Variants in OR6K2 observed in about 807,000 individuals in gnomAD.
OR6K2 encodes olfactory receptor 6K2.
For missense variants in OR6K2, 450 were observed against 402.5 expected (o/e 1.12, Z -1.01); for synonymous variants, 139 against 143.8 (o/e 0.97, Z 0.24).
rs1655780212 is a variant in OR6K2 at position 158,700,547 on chromosome 1, C to T, written c.106G>A (p.Ala36Thr). 3 of 1,614,064 alleles carry T rather than the reference C, an allele frequency of 1.9e-6. No homozygotes were observed. Among genetic ancestry groups the T allele is most frequent in the Non-Finnish European group, 2.5e-6 (3 of 1,180,018 alleles). Residue 36 changes from alanine to threonine, a missense_variant, in exon 1 of 1, where the codon GCT becomes ACT. Transcript: ENST00000359610. The stretch of plus-strand genomic sequence containing the variant: ...ACCAGGTTTCCAACAACAATGAAAG[C>T]ATAGATGAAGAGCAGTGGAACAAAG... The part of the protein sequence containing the change: ...VCFVPLLFIY[A>T]FIVVGNLVII...
Position 158,699,741 on chromosome 1 carries a change from C to T in OR6K2, c.912G>A (p.Lys304=), listed in dbSNP as rs369102469. The change falls in exon 1 of 1, where the codon AAG becomes AAA. Residue 304 remains lysine, a synonymous_variant. Transcript: ENST00000359610. ...RNKEIKEAIK[K]HIGQAKIFFS... is the part of the protein sequence containing the mutation. Reference sequence around the variant, plus strand: ...AAAATATCTTAGCTTGACCTATGTGCTTTTTTATAGCTTCTTTTATTTCTT... The same window carrying T: ...AAAATATCTTAGCTTGACCTATGTGTTTTTTTATAGCTTCTTTTATTTCTT... 49 of 1,613,474 alleles carry T rather than the reference C, an allele frequency of 3.0e-5. No individual in the cohort carries two copies. The highest frequency in any genetic ancestry group is 3.9e-5 in the Non-Finnish European group (46 of 1,179,794).
In OR6K2 at chr1:158,699,869, G is replaced by T. The variant is rs181767054; in HGVS notation, c.784C>A (p.Arg262Ser). 4 of 1,614,072 alleles carry T rather than the reference G, an allele frequency of 2.5e-6. No homozygotes were observed. The highest frequency in any genetic ancestry group is 3.4e-6 in the Non-Finnish European group (4 of 1,180,000). The change falls in exon 1 of 1, where the codon CGC becomes AGC. Residue 262 changes from arginine to serine, a missense_variant. Arg to Ser is a moderately radical substitution (Grantham distance 110). Coordinates refer to ENST00000359610, the MANE Select transcript of OR6K2 (RefSeq NM_001005279.3). ...FFGSVTLMYL[R>S]FSATYSLFWD... ...AACAAAGAGTAGGTGGCAGAGAAGC[G>T]TAGGTACATGAGAGTCACACTGCCA...
Position 158,700,231 on chromosome 1 carries a change from G to A in OR6K2, c.422C>T (p.Thr141Ile), listed in dbSNP as rs766174523. The change falls in exon 1 of 1, where the codon ACC becomes ATC. Residue 141 changes from threonine to isoleucine, a missense_variant. Physicochemically the swap from Thr to Ile is moderately conservative, Grantham distance 89. Coordinates refer to ENST00000359610, the MANE Select transcript of OR6K2 (RefSeq NM_001005279.3). ...AACACAGCAACTTAAAGTCAGTTGG[G>A]TACATAGCTTGGGGGTCATGATAGA... ...YPSIMTPKLC[T>I]QLTLSCCVCG... The A allele has an allele frequency of 1.2e-6, 2 of 1,614,038 alleles. No individual in the cohort carries two copies. Among genetic ancestry groups the A allele is most frequent in the South Asian group, 1.1e-5 (1 of 91,060 alleles).
rs183333879 is a variant in OR6K2 at position 158,700,607 on chromosome 1, C to T, written c.46G>A (p.Ala16Thr). The part of the protein sequence containing the change: ...RTTIQEFIFS[A>T]FPYSWVKSVV... ...GACTTAACCCAGGAATAAGGGAAAG[C>T]GGAGAAGATAAACTCCTGAATGGTG... Residue 16 changes from alanine to threonine, a missense_variant, in exon 1 of 1, where the codon GCT (alanine) becomes ACT (threonine). Ala to Thr is a moderately conservative substitution (Grantham distance 58). Coordinates refer to ENST00000359610, the MANE Select transcript of OR6K2 (RefSeq NM_001005279.3). The T allele has an allele frequency of 5.4e-5, 87 of 1,613,364 alleles. 1 individual carries two copies. The East Asian group carries it at 5.6e-4, about 10-fold the overall frequency.
Position 158,700,287 on chromosome 1 carries a change from G to A in OR6K2, c.366C>T (p.Tyr122=). 2.5e-6 allele frequency: 4 copies of A among 1,612,968 alleles called. No homozygotes were observed. Among genetic ancestry groups the A allele is most frequent in the South Asian group, 1.1e-5 (1 of 91,084 alleles). ...CLLTVMAFDH[Y]LAICSPLHYP... ...AATGAAGAGGGCTGCATATGGCCAGGTAGTGGTCAAAGGCCATAACTGTCA... is the reference window on the plus strand; with the variant it reads ...AATGAAGAGGGCTGCATATGGCCAGATAGTGGTCAAAGGCCATAACTGTCA... The change falls in exon 1 of 1, where the codon TAC becomes TAT. Residue 122 remains tyrosine (Y), a synonymous_variant. Transcript: ENST00000359610.
In OR6K2 at chr1:158,699,868, C is replaced by T. The variant is rs781501189; in HGVS notation, c.785G>A (p.Arg262His). The change falls in exon 1 of 1, where the codon CGC (arginine) becomes CAC (histidine). Residue 262 changes from arginine to histidine, a missense_variant. Physicochemically the swap from Arg to His is conservative, Grantham distance 29. Transcript: ENST00000359610. ...FFGSVTLMYL[R>H]FSATYSLFWD... ...GAACAAAGAGTAGGTGGCAGAGAAGCGTAGGTACATGAGAGTCACACTGCC... is the reference window on the plus strand; with the variant it reads ...GAACAAAGAGTAGGTGGCAGAGAAGTGTAGGTACATGAGAGTCACACTGCC... The T allele has an allele frequency of 1.4e-5, 22 of 1,613,848 alleles. 1 individual carries two copies. Among genetic ancestry groups the T allele is most frequent in the Non-Finnish European group, 1.6e-5 (19 of 1,180,010 alleles).
rs964099822 is a variant in OR6K2, at chr1:158,700,239, C to A, written c.414G>T (p.Lys138Asn). The part of the protein sequence containing the change: ...PLHYPSIMTP[K>N]LCTQLTLSCC... ...AACTTAAAGTCAGTTGGGTACATAG[C>A]TTGGGGGTCATGATAGAGGGATAAT... Residue 138 changes from lysine to asparagine, a missense_variant, in exon 1 of 1, where the codon AAG becomes AAT. Transcript: ENST00000359610. The A allele has an allele frequency of 1.2e-6, 2 of 1,613,936 alleles. No homozygotes were observed. The highest frequency in any genetic ancestry group is 1.3e-5 in the African/African-American group (1 of 74,990).
In OR6K2 at chr1:158,699,963, A is replaced by G; in HGVS notation, c.690T>C (p.His230=). ...DGIVAVILRI[H]SAGGRRTAFS... ...ATGCTGTGCGGCGGCCTCCAGCTGAATGAATACGTAGAATTACAGCCACAA... is the reference window on the plus strand; with the variant it reads ...ATGCTGTGCGGCGGCCTCCAGCTGAGTGAATACGTAGAATTACAGCCACAA... The change falls in exon 1 of 1, where the codon CAT becomes CAC. Residue 230 remains histidine (H), a synonymous_variant. Coordinates refer to ENST00000359610, the MANE Select transcript of OR6K2 (RefSeq NM_001005279.3). 6.2e-7 allele frequency: 1 copy of G among 1,614,148 alleles called. No homozygotes were observed. Among genetic ancestry groups the G allele is most frequent in the Non-Finnish European group, 8.5e-7 (1 of 1,180,022 alleles).
At position 158,699,853 on chromosome 1, in the gene OR6K2, T is replaced by C. The variant is rs1423865235; in HGVS notation, c.800A>G (p.Tyr267Cys). The C allele has an allele frequency of 3.1e-6, 5 of 1,612,838 alleles. No homozygotes were observed. The East Asian group carries it at 1.1e-4, about 36-fold the overall frequency. The change falls in exon 1 of 1, where the codon TAC (tyrosine) becomes TGC (cysteine). Residue 267 changes from tyrosine (Y) to cysteine (C), a missense_variant. Physicochemically the swap from Tyr to Cys is radical, Grantham distance 194. Coordinates refer to ENST00000359610, the MANE Select transcript of OR6K2 (RefSeq NM_001005279.3). ...TLMYLRFSAT[Y>C]SLFWDIAIAL... ...AATGGCTATATCCCAGAACAAAGAGTAGGTGGCAGAGAAGCGTAGGTACAT... is the reference window on the plus strand; with the variant it reads ...AATGGCTATATCCCAGAACAAAGAGCAGGTGGCAGAGAAGCGTAGGTACAT...
chr1:158,700,643 G>T lies in OR6K2; in HGVS notation c.10C>A (p.Pro4Thr), dbSNP rs1307265628. ...AACTCCTGAATGGTGGTTCGATTGG[G>T]GCTCTCCATCTCCAAGTTGAAAGTG... is the stretch of plus-strand genomic sequence containing the variant. MESPNRTTIQEFIF... is the reference protein window; with the variant it reads MESTNRTTIQEFIF... Residue 4 changes from proline to threonine, a missense_variant, in exon 1 of 1, where the codon CCC (proline) becomes ACC (threonine). Coordinates refer to ENST00000359610, the MANE Select transcript of OR6K2 (RefSeq NM_001005279.3). 8 of 1,608,706 alleles carry T rather than the reference G, an allele frequency of 5.0e-6. No individual in the cohort carries two copies. The highest frequency in any genetic ancestry group is 6.8e-6 in the Non-Finnish European group (8 of 1,178,778).
chr1:158,700,607 CGGA>C lies in OR6K2; in HGVS notation c.43_45del (p.Ser15del), dbSNP rs758826244. On this transcript the variant is annotated inframe_deletion, in exon 1 of 1. Coordinates refer to ENST00000359610, the MANE Select transcript of OR6K2 (RefSeq NM_001005279.3). ...GACTTAACCCAGGAATAAGGGAAAG[CGGA>C]GAAGATAAACTCCTGAATGGTGGTT... 12 of 1,613,366 alleles carry C rather than the reference CGGA, an allele frequency of 7.4e-6. No individual in the cohort carries two copies. The South Asian group carries it at 1.2e-4, about 16-fold the overall frequency.
chr1:158,700,136 G>C lies in OR6K2; in HGVS notation c.517C>G (p.Leu173Val). Reference protein sequence around the residue: ...STLPFCGSNHLEHIFCDFLPV... With the variant: ...STLPFCGSNHVEHIFCDFLPV... Reference sequence around the variant, plus strand: ...AGGAAGTCACAGAAGATATGTTCAAGGTGATTCGAACCACAAAATGGCAGT... The same window carrying C: ...AGGAAGTCACAGAAGATATGTTCAACGTGATTCGAACCACAAAATGGCAGT... Residue 173 changes from leucine (L) to valine (V), a missense_variant, in exon 1 of 1, where the codon CTT (leucine) becomes GTT (valine). Transcript: ENST00000359610. The C allele has an allele frequency of 6.2e-7, 1 of 1,614,086 alleles. No homozygotes were observed.
rs1285690779 is a variant in OR6K2, at chr1:158,699,888, A to G, written c.765T>C (p.Ser255=). 1.2e-6 allele frequency: 2 copies of G among 1,614,194 alleles called. No homozygotes were observed. The highest frequency in any genetic ancestry group is 2.2e-5 in the East Asian group (1 of 44,880). The part of the protein sequence containing the change: ...HFIVFSLFFG[S]VTLMYLRFSA... ...AGAAGCGTAGGTACATGAGAGTCAC[A>G]CTGCCAAAGAAGAGCGAAAAGACAA... Residue 255 remains serine, a synonymous_variant, in exon 1 of 1, where the codon AGT becomes AGC. Transcript: ENST00000359610.
rs1263605237 is a variant in OR6K2, at chr1:158,700,227, T to G, written c.426A>C (p.Gln142His). Residue 142 changes from glutamine to histidine, a missense_variant, in exon 1 of 1, where the codon CAA becomes CAC. By Grantham distance (24) the Gln-to-His change is conservative. Transcript: ENST00000359610. ...CACAAACACAGCAACTTAAAGTCAG[T>G]TGGGTACATAGCTTGGGGGTCATGA... ...PSIMTPKLCT[Q>H]LTLSCCVCGF... The G allele has an allele frequency of 6.2e-7, 1 of 1,613,810 alleles. No individual in the cohort carries two copies. The highest frequency in any genetic ancestry group is 1.7e-5 in the Admixed American group (1 of 59,986).
At position 158,700,295 on chromosome 1, in the gene OR6K2, CAA is replaced by C; in HGVS notation, c.356_357del (p.Phe119Ter). ...CEVCLLTVMAFDHYLAICSPL... is the reference protein window; with the variant it reads ...CEVCLLTVMAXDHYLAICSPL... The stretch of plus-strand genomic sequence containing the variant: ...GGGCTGCATATGGCCAGGTAGTGGT[CAA>C]AGGCCATAACTGTCAAGAGACACAC... On this transcript the variant is annotated frameshift_variant, in exon 1 of 1. Transcript: ENST00000359610. LOFTEE classifies it high-confidence loss of function. 6.2e-7 allele frequency: 1 copy of C among 1,614,032 alleles called. No individual in the cohort carries two copies. The highest frequency in any genetic ancestry group is 8.5e-7 in the Non-Finnish European group (1 of 1,180,016).
Position 158,700,576 on chromosome 1 carries a change from A to T in OR6K2, c.77T>A (p.Val26Asp), listed in dbSNP as rs200588053. 1 of 1,614,152 alleles carries T rather than the reference A, an allele frequency of 6.2e-7. No individual in the cohort carries two copies. Among genetic ancestry groups the T allele is most frequent in the East Asian group, 2.2e-5 (1 of 44,874 alleles). ...GATGAAGAGCAGTGGAACAAAGCAGACAACAGACTTAACCCAGGAATAAGG... is the reference window on the plus strand; with the variant it reads ...GATGAAGAGCAGTGGAACAAAGCAGTCAACAGACTTAACCCAGGAATAAGG... ...AFPYSWVKSV[V>D]CFVPLLFIYA... is the part of the protein sequence containing the mutation. Residue 26 changes from valine (V) to aspartate (D), a missense_variant, in exon 1 of 1, where the codon GTC becomes GAC. Val to Asp is a radical substitution (Grantham distance 152). Transcript: ENST00000359610.
Position 158,699,980 on chromosome 1 carries a change from CAG to C in OR6K2, c.671_672del (p.Ala224GlyfsTer68), listed in dbSNP as rs554132851. The C allele has an allele frequency of 3.7e-3, 6,010 of 1,614,142 alleles. 14 individuals are homozygous for C. The highest frequency in any genetic ancestry group is 4.6e-3 in the Non-Finnish European group (5,451 of 1,180,018). ...LIFMSYDGIV[A>X]VILRIHSAGG... ...CCAGCTGAATGAATACGTAGAATTACAGCCACAATACCATCGTAGGACATGAA... is the reference window on the plus strand; with the variant it reads ...CCAGCTGAATGAATACGTAGAATTACCCACAATACCATCGTAGGACATGAA... On this transcript the variant is annotated frameshift_variant, in exon 1 of 1. Transcript: ENST00000359610. LOFTEE classifies it low-confidence loss of function (END_TRUNC).
At position 158,700,086 on chromosome 1, in the gene OR6K2, T is replaced by C; in HGVS notation, c.567A>G (p.Thr189=). ...GAATCATGACGATGGCTCGTGTGTC[T>C]GTGCAGGCCAGACGCAGCACTGGGA... is the stretch of plus-strand genomic sequence containing the variant. ...DFLPVLRLAC[T]DTRAIVMIQV... The change falls in exon 1 of 1, where the codon ACA becomes ACG. Residue 189 remains threonine (T), a synonymous_variant. Coordinates refer to ENST00000359610, the MANE Select transcript of OR6K2 (RefSeq NM_001005279.3). 6.2e-7 allele frequency: 1 copy of C among 1,614,124 alleles called. No individual in the cohort carries two copies. The highest frequency in any genetic ancestry group is 8.5e-7 in the Non-Finnish European group (1 of 1,180,024).
chr1:158,699,839 C>G lies in OR6K2; in HGVS notation c.814G>C (p.Asp272His). Residue 272 changes from aspartate to histidine, a missense_variant, in exon 1 of 1, where the codon GAT (aspartate) becomes CAT (histidine). Transcript: ENST00000359610. The part of the protein sequence containing the change: ...RFSATYSLFW[D>H]IAIALAFAVL... The stretch of plus-strand genomic sequence containing the variant: ...GCAAAGGCCAGAGCAATGGCTATAT[C>G]CCAGAACAAAGAGTAGGTGGCAGAG... The G allele has an allele frequency of 6.2e-7, 1 of 1,614,072 alleles. No homozygotes were observed. Among genetic ancestry groups the G allele is most frequent in the Admixed American group, 1.7e-5 (1 of 60,006 alleles).
Sources: allele counts gnomAD v4.1 joint callset, GRCh38; gene constraint gnomAD v4.1.1; transcripts MANE v1.5; gene names NCBI Gene and HGNC (gene_info 2026-07-23, HGNC 2026-07-21).